PSME3IP1: variants seen among roughly 807,000 people sequenced by gnomAD.
PSME3IP1 encodes proteasome activator subunit 3 interacting protein 1, also known as PSME3-interacting protein.
PSME3IP1 carries 13 observed loss-of-function variants against 34.1 expected under a neutral mutation model. That is an observed-to-expected ratio of 0.38 (90% CI 0.25 to 0.61). The LOEUF (loss-of-function observed/expected upper bound fraction) is 0.61, where lower values mean the gene tolerates loss of function less well. Among genes scored for constraint, PSME3IP1 ranks in the 20% least tolerant of loss-of-function variants. The probability of loss-of-function intolerance (pLI) is 0.60; values close to 1 mark genes in which losing one functional copy is unlikely to be tolerated. For synonymous variants in PSME3IP1, 93 were observed against 114.3 expected (o/e 0.81, Z 1.19); for missense variants, 237 against 301.4 (o/e 0.79, Z 1.58).
rs577801554 is a variant in PSME3IP1 at position 57,184,756 on chromosome 16, A to C, written c.-16+1065T>G. Among the ~76,000 whole-genome samples the C allele has an allele frequency of 2.0e-5, 3 of 152,378 alleles. No individual in the cohort carries two copies. The South Asian group carries it at 6.2e-4, about 32-fold the overall frequency. ...ACTGATAATCAACTAAATGGTTTTG[A>C]CACAATTATTCCTTTCTTATATCAT... On this transcript the variant is annotated intron_variant, in intron 1 of 6. Transcript: ENST00000309137.
intron 6 of PSME3IP1, among the ~76,000 whole-genome samples, chr16:57,161,024 G>A (rs886160190): frequency 1.3e-5 from 2 of 152,084 alleles, no homozygotes; most frequent in Non-Finnish European, 2.9e-5. Context: ...TAGAAAGGAA[G>A]AACTTACAGA....
intron 6 of PSME3IP1, among the ~76,000 whole-genome samples, chr16:57,162,877 A>G (rs942244878): frequency 3.4e-4 from 51 of 151,976 alleles, no homozygotes; most frequent in Non-Finnish European, 1.2e-4. Flanking sequence ...GCTACATAAG[A>G]AATGTGGCTG....
chr16:57,162,462 C>T (rs1274408199), intron 6 of PSME3IP1, among the ~76,000 whole-genome samples: 1 of 151,552 alleles, frequency 6.6e-6, no homozygotes, highest in Admixed American at 6.6e-5. Context: ...GCTAGGAGTT[C>T]GAGACCAGCC....
intron 1 of PSME3IP1, chr16:57,175,612 T>C (rs1429078527): frequency 6.6e-6 from 1 of 152,218 alleles, no homozygotes; most frequent in Non-Finnish European, 1.5e-5. Flanking sequence ...ATTATCTGTT[T>C]ACAGATGAAG....
chr16:57,157,561 A>AG (rs1447129696), intron 6 of PSME3IP1, among the ~76,000 whole-genome samples: 1 of 151,618 alleles, frequency 6.6e-6, no homozygotes, highest in Non-Finnish European at 1.5e-5. Context: ...AAAATGGGGG[A>AG]GACTTACTTT....
chr16:57,155,088 C>T (rs1479650932), intron 6 of PSME3IP1, among the ~76,000 whole-genome samples: 1 of 152,208 alleles, frequency 6.6e-6, no homozygotes, highest in African/African-American at 2.4e-5. Flanking sequence ...GAAGGACTCA[C>T]CAGAATAACG....
Position 57,161,520 on chromosome 16 carries a change from T to C in PSME3IP1, c.547+2481A>G, listed in dbSNP as rs1011905221. 2.0e-5 allele frequency among the ~76,000 whole-genome samples: 3 copies of C among 150,142 alleles called. No individual in the cohort carries two copies. In the East Asian group the frequency reaches 5.9e-4, roughly 29 times the overall value. ...TTGCTAAGATCATAATTTTTTTTTTTTTTTTTTTTGAGACGGAGTCTCCCT... is the reference window on the plus strand; with the variant it reads ...TTGCTAAGATCATAATTTTTTTTTTCTTTTTTTTTGAGACGGAGTCTCCCT... On this transcript the variant is annotated intron_variant, in intron 6 of 6. Coordinates refer to ENST00000309137, the MANE Select transcript of PSME3IP1 (RefSeq NM_024946.4).
intron 1 of PSME3IP1, chr16:57,174,554 T>G (rs2072992181): frequency 2.0e-6 from 2 of 985,360 alleles, no homozygotes; most frequent in African/African-American, 3.5e-5. Flanking sequence ...CCTTTATTTC[T>G]GTAACATCTG....
At chr16:57,185,656 G>C in intron 1 of PSME3IP1, 165 bp downstream of exon 1, 1 of 985,564 alleles carries the variant, frequency 1.0e-6, no homozygotes, top group South Asian at 4.7e-5. Context: ...GCTCCCCTCA[G>C]GCTGGGCCCG....
intron 6 of PSME3IP1, among the ~76,000 whole-genome samples, chr16:57,161,688 A>AT (rs2071257379): frequency 6.6e-6 from 1 of 151,298 alleles, no homozygotes; most frequent in Admixed American, 6.6e-5. Flanking sequence ...AATTTTTTGT[A>AT]TTTTTAGTAG....
chr16:57,177,569 A>T (rs1365441019), intron 1 of PSME3IP1, among the ~76,000 whole-genome samples: 3 of 150,914 alleles, frequency 2.0e-5, no homozygotes, highest in African/African-American at 7.3e-5. Flanking sequence ...ATGCATATTT[A>T]AAAAAAAAAT....
chr16:57,166,751 C>T (rs59479303), intron 5 of PSME3IP1, among the ~76,000 whole-genome samples: 1,812 of 152,330 alleles, frequency 0.012, 42 homozygotes, highest in African/African-American at 0.042. Flanking sequence ...ACCTCTCAAA[C>T]TCTTGGTCTT....
rs368767737 is a variant in PSME3IP1 at position 57,178,923 on chromosome 16, T to C, written c.-15-5054A>G. ...GAAGTAGACAAAGAAGCTAGAAAATTAGATTGTGTTGACTTCTAATTCCTA... is the reference window on the plus strand; with the variant it reads ...GAAGTAGACAAAGAAGCTAGAAAATCAGATTGTGTTGACTTCTAATTCCTA... On this transcript the variant is annotated intron_variant, in intron 1 of 6. Transcript: ENST00000309137. The C allele has an allele frequency of 8.2e-4, 349 of 424,936 alleles. 10 individuals carry two copies. In the South Asian group the frequency reaches 0.029, roughly 35 times the overall value. The allele number at this position is 424,936 out of a possible 1,614,324, so 26.3% of individuals were successfully genotyped here. A position where few individuals can be genotyped will look rare whatever the true frequency, so the allele number is the denominator to read the frequency against.
At chr16:57,173,126 G>C (rs569847782) in intron 2 of PSME3IP1, among the ~76,000 whole-genome samples, 1 of 152,166 alleles carries the variant, frequency 6.6e-6, no homozygotes, top group Non-Finnish European at 1.5e-5. Context: ...ACTGATTGAG[G>C]GGCCAGCCCA....
chr16:57,183,610 A>C lies in PSME3IP1; in HGVS notation c.-16+2211T>G, dbSNP rs1421473351. On this transcript the variant is annotated intron_variant, in intron 1 of 6. Transcript: ENST00000309137. ...GACCTACCAAAGTGCTGGGATTACAAGTGTAAGCTACCACGCCCAGCCAAA... is the reference window on the plus strand; with the variant it reads ...GACCTACCAAAGTGCTGGGATTACACGTGTAAGCTACCACGCCCAGCCAAA... Among the ~76,000 whole-genome samples the C allele has an allele frequency of 2.6e-5, 4 of 152,290 alleles. No individual in the cohort carries two copies. The East Asian group carries it at 7.7e-4, about 29-fold the overall frequency.
At chr16:57,169,410 A>G (rs572509202) in intron 4 of PSME3IP1, among the ~76,000 whole-genome samples, 4 of 152,228 alleles carry the variant, frequency 2.6e-5, no homozygotes, top group Non-Finnish European at 5.9e-5. Context: ...GCTTCAATAA[A>G]CAAATGTCTA....
intron 1 of PSME3IP1, chr16:57,185,454 C>T (rs2074088276): frequency 1.1e-6 from 1 of 950,868 alleles, no homozygotes; most frequent in Non-Finnish European, 1.3e-6. Context: ...CATTTCCAAC[C>T]AGACGCCGCA....
chr16:57,179,133 T>G (rs781770880), intron 1 of PSME3IP1, among the ~76,000 whole-genome samples: 1 of 152,184 alleles, frequency 6.6e-6, no homozygotes, highest in Admixed American at 6.5e-5. Flanking sequence ...TGTTCCACTT[T>G]AGAAAGAGTA....
chr16:57,168,599 C>T (rs112581528), intron 4 of PSME3IP1, among the ~76,000 whole-genome samples: 7 of 151,794 alleles, frequency 4.6e-5, no homozygotes, highest in African/African-American at 7.2e-5. Context: ...GTCGGGAGTT[C>T]AAGACCAGCC....
Sources: allele counts gnomAD v4.1 joint callset (sites outside exome capture counted in the v4.1 genomes callset), GRCh38; gene constraint gnomAD v4.1.1; transcripts MANE v1.5; gene names NCBI Gene and HGNC (gene_info 2026-07-23, HGNC 2026-07-21).